The following HAPLN1 variants were observed in gnomAD, a reference collection of about 807,000 sequenced individuals.
HAPLN1 encodes the protein hyaluronan and proteoglycan link protein 1.
In HAPLN1, 13 loss-of-function variants were observed where a neutral mutation model predicts 36.5. The ratio of observed to expected loss-of-function variants is 0.36; its 90% CI spans 0.23 to 0.57. The LOEUF is 0.57. Among genes scored for constraint, HAPLN1 ranks in the 20% least tolerant of loss-of-function variants. HAPLN1 has a pLI of 0.83. For missense variants in HAPLN1, 407 were observed against 439.7 expected (o/e 0.93, Z 0.66); for synonymous variants, 202 against 169.8 (o/e 1.19, Z -1.48).
chr5:83,655,479 C>G (rs546872706), intron 2 of HAPLN1, among the ~76,000 whole-genome samples: 1 of 151,506 alleles, frequency 6.6e-6, no homozygotes, highest in African/African-American at 2.4e-5. Context: ...ACAAGCCTAT[C>G]GAAATGTATA....
At chr5:83,647,661 A>T (rs1749911725) in intron 3 of HAPLN1, among the ~76,000 whole-genome samples, 1 of 152,142 alleles carries the variant, frequency 6.6e-6, no homozygotes, top group African/African-American at 2.4e-5. Flanking sequence ...TTGCAAAAAT[A>T]AAAAAAAGTT....
intron 1 of HAPLN1, among the ~76,000 whole-genome samples, chr5:83,706,163 T>A (rs1751645578): frequency 6.7e-6 from 1 of 150,324 alleles, no homozygotes; most frequent in African/African-American, 2.4e-5. Flanking sequence ...TTCCACCAGT[T>A]GTACAAGAAA....
intron 2 of HAPLN1, among the ~76,000 whole-genome samples, chr5:83,653,913 G>T (rs1750144602): frequency 6.6e-6 from 1 of 152,230 alleles, no homozygotes; most frequent in Admixed American, 6.5e-5. Flanking sequence ...AGAGCTCCTG[G>T]ATACGGATAT....
chr5:83,663,290 C>A lies in HAPLN1; in HGVS notation c.100+10134G>T, dbSNP rs113963670. Among the ~76,000 whole-genome samples, 497 of 152,308 alleles carry A rather than the reference C, an allele frequency of 3.3e-3. 3 individuals carry two copies. The highest frequency in any genetic ancestry group is 5.1e-3 in the Non-Finnish European group (344 of 68,026). On this transcript the variant is annotated intron_variant, in intron 2 of 4. Coordinates refer to ENST00000274341, the MANE Select transcript of HAPLN1 (RefSeq NM_001884.4). Reference sequence around the variant, plus strand: ...TGCAAAAATCTCTTATGTCCAAATGCTTGCAACTAATTTAAAATTTTAAAA... The same window carrying A: ...TGCAAAAATCTCTTATGTCCAAATGATTGCAACTAATTTAAAATTTTAAAA...
At chr5:83,661,357 T>C (rs1750381415) in intron 2 of HAPLN1, among the ~76,000 whole-genome samples, 1 of 151,942 alleles carries the variant, frequency 6.6e-6, no homozygotes, top group Non-Finnish European at 1.5e-5. Context: ...GTGGAATGTG[T>C]ATATTTGCAG....
In HAPLN1 at chr5:83,644,967, T is replaced by C. The variant is rs537776690; in HGVS notation, c.473-302A>G. On this transcript the variant is annotated intron_variant, in intron 3 of 4. Transcript: ENST00000274341. ...CTGTCTACAGTTTACAGTTTCCAAA[T>C]AGCCCTCCCCAGGAACTTACCATTT... 8.5e-5 allele frequency among the ~76,000 whole-genome samples: 13 copies of C among 152,302 alleles called. No individual in the cohort carries two copies. The South Asian group carries it at 1.7e-3, about 19-fold the overall frequency.
chr5:83,673,340 A>C (rs1435562475), intron 2 of HAPLN1, 84 bp downstream of exon 2: 1 of 936,460 alleles, frequency 1.1e-6, no homozygotes, highest in Non-Finnish European at 1.6e-6. Flanking sequence ...GCAGAACTAA[A>C]ATTAAGAAAC....
intron 2 of HAPLN1, among the ~76,000 whole-genome samples, chr5:83,661,081 T>A (rs1048056249): frequency 6.6e-6 from 1 of 152,140 alleles, no homozygotes; most frequent in Non-Finnish European, 1.5e-5. Flanking sequence ...CATCAACTCT[T>A]GAGGATCGCC....
At chr5:83,677,029 G>A (rs1750877172) in intron 1 of HAPLN1, among the ~76,000 whole-genome samples, 2 of 152,188 alleles carry the variant, frequency 1.3e-5, no homozygotes, top group African/African-American at 4.8e-5. Context: ...AATATCAACA[G>A]TCTAATACCA....
At chr5:83,641,810 A>C (rs764842239) in intron 4 of HAPLN1, 25 bp from the exon 5 acceptor site, 2 of 1,604,096 alleles carry the variant, frequency 1.2e-6, no homozygotes, top group Non-Finnish European at 1.7e-6. Flanking sequence ...AGACAGAGTC[A>C]ATGGGCTGGT....
At chr5:83,677,710 T>C (rs1750890814) in intron 1 of HAPLN1, among the ~76,000 whole-genome samples, 1 of 152,176 alleles carries the variant, frequency 6.6e-6, no homozygotes, top group Non-Finnish European at 1.5e-5. Context: ...ATAATGACAA[T>C]GTCTCCCTGG....
At chr5:83,687,849 A>G (rs1751169369) in intron 1 of HAPLN1, among the ~76,000 whole-genome samples, 1 of 152,174 alleles carries the variant, frequency 6.6e-6, no homozygotes, top group South Asian at 2.1e-4. Flanking sequence ...CTGGAAATGC[A>G]TTTATATAGA....
At chr5:83,714,730 G>C (rs1751879481) in intron 1 of HAPLN1, among the ~76,000 whole-genome samples, 1 of 152,166 alleles carries the variant, frequency 6.6e-6, no homozygotes, top group Admixed American at 6.5e-5. Flanking sequence ...GATTCTCACT[G>C]CTCCCTCCCA....
chr5:83,650,898 C>A (rs1010669797), intron 3 of HAPLN1, among the ~76,000 whole-genome samples: 11 of 152,070 alleles, frequency 7.2e-5, no homozygotes, highest in African/African-American at 2.7e-4. Context: ...TTTTCTTAGT[C>A]CCCTTTCAGC....
chr5:83,641,749 G>A lies in HAPLN1; in HGVS notation c.812C>T (p.Thr271Ile). ...ACAAGCTTGCACCGCTTCATCATAG[G>A]TCAGTTTGGTGGGGTGGATCAGATA... Reference protein sequence around the residue: ...FYYLIHPTKLTYDEAVQACLN... With the variant: ...FYYLIHPTKLIYDEAVQACLN... Residue 271 changes from threonine to isoleucine, a missense_variant, in exon 5 of 5, where the codon ACC becomes ATC. By Grantham distance (89) the Thr-to-Ile change is moderately conservative. Transcript: ENST00000274341. 6.2e-7 allele frequency: 1 copy of A among 1,614,134 alleles called. No homozygotes were observed. Among genetic ancestry groups the A allele is most frequent in the Non-Finnish European group, 8.5e-7 (1 of 1,180,014 alleles).
intron 3 of HAPLN1, among the ~76,000 whole-genome samples, chr5:83,650,801 A>ATTTTTTTTTT (rs556412025): frequency 6.6e-6 from 1 of 151,446 alleles, no homozygotes; most frequent in Admixed American, 6.6e-5. Context: ...TGCCCGGCTA[A>ATTTTTTTTTT]TTTTTTGTAT....
At chr5:83,643,353 TAAAAAA>T (rs79459806) in intron 4 of HAPLN1, among the ~76,000 whole-genome samples, 10 of 111,816 alleles carry the variant, frequency 8.9e-5, no homozygotes, top group Admixed American at 9.5e-5. Context: ...TACCCTGTCT[TAAAAAA>T]AAAAAAAAAA....
chr5:83,720,628 T>C (rs917999675), intron 1 of HAPLN1, among the ~76,000 whole-genome samples, 161 bp downstream of exon 1: 1 of 152,236 alleles, frequency 6.6e-6, no homozygotes, highest in Non-Finnish European at 1.5e-5. Flanking sequence ...GAAACTTTTT[T>C]AAAAGTTGAG....
rs1286277255 is a variant in HAPLN1, at chr5:83,638,939, T to G, written c.*2557A>C. 6.6e-6 allele frequency: 1 copy of G among 152,042 alleles called. No individual in the cohort carries two copies. The highest frequency in any genetic ancestry group is 2.4e-5 in the African/African-American group (1 of 41,434). 9.4% of individuals were successfully genotyped at this position (152,042 alleles called of 1,614,324 possible). On this transcript the variant is annotated 3_prime_UTR_variant, in exon 5 of 5. Coordinates refer to ENST00000274341, the MANE Select transcript of HAPLN1 (RefSeq NM_001884.4). ...TCCTTATATGGTCACCAGTGTTAAT[T>G]ATGGACAAATACATTAAAACAAGGG... is the stretch of plus-strand genomic sequence containing the variant.
Sources: gnomAD v4.1 joint callset for allele counts (sites outside exome capture counted in the v4.1 genomes callset) on GRCh38, gnomAD v4.1.1 for gene constraint, MANE v1.5 for transcripts, NCBI Gene and HGNC (gene_info 2026-07-23, HGNC 2026-07-21) for gene names.